Variants in PHACTR2 observed in about 807,000 individuals in gnomAD.
PHACTR2 encodes the protein chromosome 6 open reading frame 56.
PHACTR2 carries 30 observed loss-of-function variants against 76.0 expected under a neutral mutation model. That is an observed-to-expected ratio of 0.39 (90% CI 0.30 to 0.54). The LOEUF is 0.54. PHACTR2 is among the 20% of genes least tolerant of loss of function. The pLI is 0.61. For synonymous variants in PHACTR2, 292 were observed against 292.5 expected (o/e 1.00, Z 0.02); for missense variants, 696 against 781.1 (o/e 0.89, Z 1.30).
In PHACTR2 at chr6:143,648,934, GTC is replaced by G. The variant is rs1222813760; in HGVS notation, c.13+40614_13+40615del. Among the ~76,000 whole-genome samples the G allele has an allele frequency of 5.4e-4, 57 of 106,530 alleles. 1 individual carries two copies. In the South Asian group the frequency reaches 0.019, roughly 35 times the overall value. 69.9% of individuals were successfully genotyped at this position (106,530 alleles called of 152,430 possible). A position where few individuals can be genotyped will look rare whatever the true frequency, so the allele number is the denominator to read the frequency against. On this transcript the variant is annotated intron_variant, in intron 1 of 11. Transcript: ENST00000305766. This position sits in a 1 kb window ranked among gnomAD's most constrained non-coding sequence, Gnocchi z 6.7. ...TGTCTGGGTCTATGTGTATGTCTATGTCTATGTATGTTTGTGTGTGTCTGTGT... is the reference window on the plus strand; with the variant it reads ...TGTCTGGGTCTATGTGTATGTCTATGTATGTATGTTTGTGTGTGTCTGTGT...
Position 143,557,564 on chromosome 6 carries a change from G to A in PHACTR2, c.217+20357G>A, listed in dbSNP as rs1212258509. On this transcript the variant is annotated intron_variant, in intron 1 of 11. Coordinates refer to the PHACTR2 transcript ENST00000367584. The surrounding 1 kb of genome is among the most constrained non-coding windows in gnomAD (Gnocchi z 5.5). The stretch of plus-strand genomic sequence containing the variant: ...TAAGATGGCTCACCCTCACCACACA[G>A]GGTCTCGATTTTTCGAGAACTGACC... 6.6e-6 allele frequency: 1 copy of A among 152,246 alleles called. No homozygotes were observed. The highest frequency in any genetic ancestry group is 2.4e-5 in the African/African-American group (1 of 41,450). The allele number at this position is 152,246 out of a possible 1,614,324, so 9.4% of individuals were successfully genotyped here.
rs139829624 is a variant in PHACTR2 at position 143,542,142 on chromosome 6, G to A, written c.217+4935G>A. Reference sequence around the variant, plus strand: ...GGACAGTACAAGAGGGTGCTGGATGGAGCAGGTGCTGGTGGGCTCAGGTCC... The same window carrying A: ...GGACAGTACAAGAGGGTGCTGGATGAAGCAGGTGCTGGTGGGCTCAGGTCC... On this transcript the variant is annotated intron_variant, in intron 1 of 11. Transcript: ENST00000367584. Among the ~76,000 whole-genome samples the A allele has an allele frequency of 3.1e-3, 465 of 152,302 alleles. 1 individual carries two copies. The highest frequency in any genetic ancestry group is 5.3e-3 in the Non-Finnish European group (359 of 68,010).
intron 1 of PHACTR2, among the ~76,000 whole-genome samples, chr6:143,542,855 C>T (rs9390103): frequency 0.21 from 31,867 of 152,160 alleles, 3,341 homozygotes; most frequent in East Asian, 0.28. Flanking sequence ...CAGATACTCA[C>T]TGGAGCCGAA....
In PHACTR2 at chr6:143,554,823, A is replaced by G. The variant is rs1281675020; in HGVS notation, c.217+17616A>G. 1.3e-5 allele frequency: 2 copies of G among 152,094 alleles called. No homozygotes were observed. The highest frequency in any genetic ancestry group is 2.9e-5 in the Non-Finnish European group (2 of 68,006). 9.4% of individuals were successfully genotyped at this position (152,094 alleles called of 1,614,324 possible). A position where few individuals can be genotyped will look rare whatever the true frequency, so the allele number is the denominator to read the frequency against. On this transcript the variant is annotated intron_variant, in intron 1 of 11. Coordinates refer to the PHACTR2 transcript ENST00000367584. This position sits in a 1 kb window ranked among gnomAD's most constrained non-coding sequence, Gnocchi z 5.9. ...CTATTGAACCTAGGAAATATTTTAT[A>G]TTATTAGCCATTTGCATTTTCTTTC...
rs1205020030 is a variant in PHACTR2 at position 143,548,110 on chromosome 6, C to T, written c.217+10903C>T. On this transcript the variant is annotated intron_variant, in intron 1 of 11. Transcript: ENST00000367584. The surrounding 1 kb of genome is among the most constrained non-coding windows in gnomAD (Gnocchi z 4.5). ...GGAGGCTGGAAGTTCAAGATCAAGA[C>T]ACTGGCAGATTCAGTGTTTGGCGAG... is the stretch of plus-strand genomic sequence containing the variant. Among the ~76,000 whole-genome samples, 1 of 152,194 alleles carries T rather than the reference C, an allele frequency of 6.6e-6. No homozygotes were observed. Among genetic ancestry groups the T allele is most frequent in the Non-Finnish European group, 1.5e-5 (1 of 68,040 alleles).
chr6:143,682,837 G>A (rs1777426824), intron 1 of PHACTR2, among the ~76,000 whole-genome samples: 1 of 151,510 alleles, frequency 6.6e-6, no homozygotes. Flanking sequence ...TTTCTTCATA[G>A]GTTCACTTTG....
At chr6:143,726,714 G>A (rs1288067979) in intron 2 of PHACTR2, among the ~76,000 whole-genome samples, 1 of 152,162 alleles carries the variant, frequency 6.6e-6, no homozygotes, top group African/African-American at 2.4e-5. Context: ...CTGAACATAG[G>A]TGTGCTGTAA....
At chr6:143,734,981 T>C (rs529617237) in intron 2 of PHACTR2, among the ~76,000 whole-genome samples, 36 of 152,362 alleles carry the variant, frequency 2.4e-4, no homozygotes, top group Non-Finnish European at 4.6e-4. Flanking sequence ...TCCTGTGATA[T>C]GAATCTGGTC....
intron 6 of PHACTR2, among the ~76,000 whole-genome samples, chr6:143,769,878 A>T (rs774960177): frequency 5.9e-5 from 9 of 152,116 alleles, no homozygotes; most frequent in Non-Finnish European, 1.3e-4. Context: ...ACTGTGGAAA[A>T]TTTTTCCTAT....
At position 143,791,844 on chromosome 6, in the gene PHACTR2, G is replaced by A. The variant is rs1340390633; in HGVS notation, c.1845+2934G>A. 6.6e-6 allele frequency among the ~76,000 whole-genome samples: 1 copy of A among 152,078 alleles called. No homozygotes were observed. The highest frequency in any genetic ancestry group is 1.5e-5 in the Non-Finnish European group (1 of 68,016). On this transcript the variant is annotated intron_variant, in intron 11 of 12. Transcript: ENST00000440869. The surrounding 1 kb of genome is among the most constrained non-coding windows in gnomAD (Gnocchi z 4.7). ...AATTTTTAAACTGGATTGTCAAAATGAGTTATTTTATACTACCTTAGTACT... is the reference window on the plus strand; with the variant it reads ...AATTTTTAAACTGGATTGTCAAAATAAGTTATTTTATACTACCTTAGTACT...
chr6:143,685,265 C>T (rs1043971220), intron 1 of PHACTR2, among the ~76,000 whole-genome samples: 5 of 151,674 alleles, frequency 3.3e-5, no homozygotes, highest in African/African-American at 1.2e-4. Context: ...TAAACTTTTA[C>T]ATGGCCAAAA....
rs955134885 is a variant in PHACTR2 at position 143,616,237 on chromosome 6, G to T, written c.13+7915G>T. ...ATATTTAATCTTCTAATTAGGAATA[G>T]TGATTGAAATTGTGCCTCAGGACTG... On this transcript the variant is annotated intron_variant, in intron 1 of 11. Transcript: ENST00000305766. This position sits in a 1 kb window ranked among gnomAD's most constrained non-coding sequence, Gnocchi z 4.9. 1.5e-4 allele frequency among the ~76,000 whole-genome samples: 23 copies of T among 152,116 alleles called. No homozygotes were observed. The highest frequency in any genetic ancestry group is 3.4e-4 in the Non-Finnish European group (23 of 68,018).
Position 143,627,775 on chromosome 6 carries a change from G to C in PHACTR2, c.13+19453G>C, listed in dbSNP as rs921196112. ...TACCGCCACGCCCAGCTAATTTTTT[G>C]TATTTTTAGTAGAGATGGAGTTTCA... On this transcript the variant is annotated intron_variant, in intron 1 of 11. Coordinates refer to the PHACTR2 transcript ENST00000305766. The surrounding 1 kb of genome is among the most constrained non-coding windows in gnomAD (Gnocchi z 4.3). 5.9e-5 allele frequency among the ~76,000 whole-genome samples: 9 copies of C among 151,886 alleles called. No individual in the cohort carries two copies. The highest frequency in any genetic ancestry group is 2.2e-4 in the African/African-American group (9 of 41,366).
rs1296359233 is a variant in PHACTR2 at position 143,755,534 on chromosome 6, T to C, written c.454+1622T>C. 3.1e-5 allele frequency: 11 copies of C among 357,472 alleles called. No individual in the cohort carries two copies. The highest frequency in any genetic ancestry group is 5.5e-5 in the Non-Finnish European group (10 of 181,540). 22.1% of individuals were successfully genotyped at this position (357,472 alleles called of 1,614,324 possible). A position where few individuals can be genotyped will look rare whatever the true frequency, so the allele number is the denominator to read the frequency against. On this transcript the variant is annotated intron_variant, in intron 4 of 12. Transcript: ENST00000440869. The surrounding 1 kb of genome is among the most constrained non-coding windows in gnomAD (Gnocchi z 5.2). The stretch of plus-strand genomic sequence containing the variant: ...AGACCTTGATGTTCTTGAAAGAAGA[T>C]AGCAGACCTTATGGGTCCATGAATA...
At chr6:143,649,389 A>G (rs1270338983) in intron 1 of PHACTR2, among the ~76,000 whole-genome samples, 1 of 152,240 alleles carries the variant, frequency 6.6e-6, no homozygotes, top group East Asian at 1.9e-4. Context: ...ATACAACAAA[A>G]AAAGAAAACT....
rs368329076 is a variant in PHACTR2 at position 143,567,548 on chromosome 6, G to A, written c.217+30341G>A. On this transcript the variant is annotated intron_variant, in intron 1 of 11. Transcript: ENST00000367584. ...TGCGTAGCTGGAACTACAGGCACAC[G>A]CCGCCGCGCCTGGTGAATTTTTGTA... is the stretch of plus-strand genomic sequence containing the variant. Among the ~76,000 whole-genome samples the A allele has an allele frequency of 1.1e-4, 16 of 152,268 alleles. No homozygotes were observed. The East Asian group carries it at 1.2e-3, about 11-fold the overall frequency.
rs1474235561 is a variant in PHACTR2, at chr6:143,549,341, C to T, written c.217+12134C>T. Among the ~76,000 whole-genome samples, 1 of 152,076 alleles carries T rather than the reference C, an allele frequency of 6.6e-6. No individual in the cohort carries two copies. Among genetic ancestry groups the T allele is most frequent in the Non-Finnish European group, 1.5e-5 (1 of 67,986 alleles). On this transcript the variant is annotated intron_variant, in intron 1 of 11. Coordinates refer to the PHACTR2 transcript ENST00000367584. The surrounding 1 kb of genome is among the most constrained non-coding windows in gnomAD (Gnocchi z 4.2). ...CCAAGGGTGACCCTGGATTCAGAGG[C>T]CTGCTCGGGGTGCGGGATGGCATTC...
chr6:143,735,688 C>T (rs1047386922), intron 2 of PHACTR2, among the ~76,000 whole-genome samples: 7 of 151,078 alleles, frequency 4.6e-5, no homozygotes, highest in African/African-American at 1.2e-4. Context: ...AGTTTAATCA[C>T]CTGTGTTAAG....
In PHACTR2 at chr6:143,695,759, G is replaced by A. The variant is rs1777757160; in HGVS notation, c.47-16257G>A. ...TAGGTGGTCTTTACTTAAAATATCTGAAGTTAATGGAATCATAAAACAGAT... is the reference window on the plus strand; with the variant it reads ...TAGGTGGTCTTTACTTAAAATATCTAAAGTTAATGGAATCATAAAACAGAT... On this transcript the variant is annotated intron_variant, in intron 1 of 12. Coordinates refer to ENST00000440869, the MANE Select transcript of PHACTR2 (RefSeq NM_001100164.2). This position sits in a 1 kb window ranked among gnomAD's most constrained non-coding sequence, Gnocchi z 4.4. Among the ~76,000 whole-genome samples the A allele has an allele frequency of 6.6e-6, 1 of 152,198 alleles. No homozygotes were observed. Among genetic ancestry groups the A allele is most frequent in the Admixed American group, 6.5e-5 (1 of 15,282 alleles).
Sources: allele counts gnomAD v4.1 joint callset (sites outside exome capture counted in the v4.1 genomes callset), GRCh38; gene constraint gnomAD v4.1.1; non-coding constraint Gnocchi (gnomAD v3.1); transcripts MANE v1.5; gene names NCBI Gene and HGNC (gene_info 2026-07-23, HGNC 2026-07-21).